Variants in MMP26 observed in about 807,000 individuals in gnomAD.
MMP26 encodes matrix metalloproteinase-26.
MMP26 carries 33 observed loss-of-function variants against 31.0 expected under a neutral mutation model. The ratio of observed to expected loss-of-function variants is 1.06; its 90% confidence interval spans 0.81 to 1.42. MMP26 has a LOEUF of 1.42. Among genes scored for constraint, MMP26 ranks in the 40% most tolerant of loss-of-function variants. The pLI is 0.00. For missense variants in MMP26, 347 were observed against 316.1 expected, an observed-to-expected ratio of 1.10 and a Z score of -0.74; for synonymous variants, 122 against 114.9, an observed-to-expected ratio of 1.06 and a Z score of -0.40.
intron 2 of MMP26, chr11:4,803,934 G>T: frequency 6.2e-7 from 1 of 1,613,380 alleles, no homozygotes; most frequent in African/African-American, 1.3e-5. Context: ...GCATCACGAT[G>T]GTCCCCAGTT....
chr11:4,804,696 G>A (rs1281325877), intron 2 of MMP26: 1 of 417,054 alleles, frequency 2.4e-6, no homozygotes, highest in Non-Finnish European at 4.8e-6. Flanking sequence ...TATAATCCTA[G>A]CACTTTGGGA....
intron 2 of MMP26, among the ~76,000 whole-genome samples, chr11:4,808,716 C>A (rs112474371): frequency 0.027 from 4,157 of 151,722 alleles, 90 homozygotes; most frequent in Non-Finnish European, 0.039. Flanking sequence ...TCTCAGCCTT[C>A]CTCATTCCAT....
At chr11:4,868,630 T>C (rs1029709943) in intron 2 of MMP26, among the ~76,000 whole-genome samples, 4 of 152,218 alleles carry the variant, frequency 2.6e-5, no homozygotes, top group African/African-American at 9.6e-5. Context: ...ATCACGAAAA[T>C]GGCCACACTG....
At position 4,915,049 on chromosome 11, in the gene MMP26, CA is replaced by C. The variant is rs778954984; in HGVS notation, c.-144-73018del. The stretch of plus-strand genomic sequence containing the variant: ...TACCCACTGTAGAGACGATGACAAA[CA>C]TGCCGTAGATGCTGTTGGCCTTCAT... On this transcript the variant is annotated intron_variant, in intron 2 of 7. Transcript: ENST00000380390. The C allele has an allele frequency of 6.2e-6, 10 of 1,613,962 alleles. No individual in the cohort carries two copies. The Admixed American group carries it at 1.7e-4, about 27-fold the overall frequency.
At chr11:4,854,950 AG>A (rs1244299989) in intron 2 of MMP26, among the ~76,000 whole-genome samples, 1 of 152,226 alleles carries the variant, frequency 6.6e-6, no homozygotes, top group Non-Finnish European at 1.5e-5. Flanking sequence ...CCAAGCAAAC[AG>A]GGTCTGGAGC....
chr11:4,858,455 G>A (rs1850090220), intron 2 of MMP26, among the ~76,000 whole-genome samples: 1 of 152,140 alleles, frequency 6.6e-6, no homozygotes, highest in South Asian at 2.1e-4. Flanking sequence ...CAAATCATGA[G>A]TGAATTCCCA....
intron 1 of MMP26, among the ~76,000 whole-genome samples, chr11:4,764,645 T>C (rs1589893473): frequency 6.6e-6 from 1 of 151,960 alleles, no homozygotes; most frequent in African/African-American, 2.4e-5. Flanking sequence ...CCGAGGCGGG[T>C]GGATCACGAG....
chr11:4,851,382 G>C (rs1185243938), intron 2 of MMP26, among the ~76,000 whole-genome samples: 1 of 152,120 alleles, frequency 6.6e-6, no homozygotes, highest in Admixed American at 6.5e-5. Flanking sequence ...GGTCCTCTTT[G>C]GGGTAATGTG....
intron 1 of MMP26, among the ~76,000 whole-genome samples, chr11:4,741,886 TC>T (rs1848316879): frequency 6.6e-6 from 1 of 152,120 alleles, no homozygotes; most frequent in African/African-American, 2.4e-5. Flanking sequence ...AAATGTATAA[TC>T]AGCCAGAAAA....
chr11:4,955,917 G>T (rs1156962475), intron 2 of MMP26, among the ~76,000 whole-genome samples: 1 of 152,196 alleles, frequency 6.6e-6, no homozygotes, highest in Non-Finnish European at 1.5e-5. Flanking sequence ...TAATACTTTA[G>T]AGTAGAATCT....
At chr11:4,821,800 G>A (rs1849506983) in intron 2 of MMP26, 1 of 1,613,002 alleles carries the variant, frequency 6.2e-7, no homozygotes, top group Non-Finnish European at 8.5e-7. Flanking sequence ...TCGTTTTGTG[G>A]CCATCTGTTA....
intron 2 of MMP26, among the ~76,000 whole-genome samples, chr11:4,801,944 T>G (rs1007476914): frequency 1.3e-5 from 2 of 152,016 alleles, no homozygotes; most frequent in African/African-American, 2.4e-5. Flanking sequence ...GTCCCCATGA[T>G]CCAATCCCTC....
chr11:4,903,359 A>G (rs1850831362), intron 2 of MMP26, among the ~76,000 whole-genome samples: 1 of 152,146 alleles, frequency 6.6e-6, no homozygotes, highest in South Asian at 2.1e-4. Flanking sequence ...TATAGTTTGT[A>G]AAGTGCTTTT....
intron 1 of MMP26, among the ~76,000 whole-genome samples, chr11:4,735,163 A>C (rs1190481798): frequency 1.3e-5 from 2 of 152,210 alleles, no homozygotes; most frequent in Non-Finnish European, 2.9e-5. Flanking sequence ...GCTGTGGGGA[A>C]GGGAAGGGCC....
intron 2 of MMP26, among the ~76,000 whole-genome samples, chr11:4,831,467 T>C (rs1253642922): frequency 6.6e-6 from 1 of 152,242 alleles, no homozygotes; most frequent in Non-Finnish European, 1.5e-5. Flanking sequence ...TTACAATGTG[T>C]ATAATTTTCA....
intron 1 of MMP26, among the ~76,000 whole-genome samples, chr11:4,750,901 C>G (rs1848439562): frequency 6.6e-6 from 1 of 150,422 alleles, no homozygotes; most frequent in African/African-American, 2.4e-5. Context: ...CAAAACTTTG[C>G]CCCCTAAATC....
At chr11:4,923,658 G>A in intron 2 of MMP26, 1 of 1,614,042 alleles carries the variant, frequency 6.2e-7, no homozygotes, top group Non-Finnish European at 8.5e-7. Context: ...GCAATGCTGA[G>A]CACGGTGCGA....
At chr11:4,769,215 C>T in intron 2 of MMP26, 7 of 1,613,966 alleles carry the variant, frequency 4.3e-6, no homozygotes, top group Non-Finnish European at 5.9e-6. Flanking sequence ...TTGTGCCATT[C>T]TTCAGGGGAG....
At position 4,804,364 on chromosome 11, in the gene MMP26, C is replaced by A. The variant is rs1177516224; in HGVS notation, c.-145+37023C>A. The A allele has an allele frequency of 6.2e-7, 1 of 1,613,968 alleles. No individual in the cohort carries two copies. Among genetic ancestry groups the A allele is most frequent in the Non-Finnish European group, 8.5e-7 (1 of 1,179,988 alleles). On this transcript the variant is annotated intron_variant, in intron 2 of 7. Coordinates refer to ENST00000380390, the MANE Select transcript of MMP26 (RefSeq NM_021801.5). ...GGACACAGGATGAGAAGAGCTGTTC[C>A]CTGAAGCCAGCACCATGGACTGGTT...
Sources: gnomAD v4.1 joint callset for allele counts (sites outside exome capture counted in the v4.1 genomes callset) on GRCh38, gnomAD v4.1.1 for gene constraint, MANE v1.5 for transcripts, NCBI Gene and HGNC (gene_info 2026-07-23, HGNC 2026-07-21) for gene names.